The following PAX7 variants were observed in gnomAD, a reference collection of about 807,000 sequenced individuals.
The protein encoded by PAX7 is paired box 7, also known as paired box protein Pax-7.
A neutral mutation model predicts 50.7 loss-of-function variants in PAX7; 18 were observed. The observed-to-expected ratio is 0.36, with a 90% CI of 0.25 to 0.53. The LOEUF (loss-of-function observed/expected upper bound fraction) is 0.53, where lower values mean the gene tolerates loss of function less well. PAX7 is among the 20% of genes least tolerant of loss of function. The probability of loss-of-function intolerance (pLI) is 0.93; values close to 1 mark genes in which losing one functional copy is unlikely to be tolerated. For synonymous variants in PAX7, 310 were observed against 290.4 expected (o/e 1.07, Z -0.69); for missense variants, 644 against 702.9 (o/e 0.92, Z 0.95).
chr1:18,731,088 T>C (rs2089640596), intron 7 of PAX7, among the ~76,000 whole-genome samples: 1 of 152,172 alleles, frequency 6.6e-6, no homozygotes, highest in Non-Finnish European at 1.5e-5. Flanking sequence ...AATACATTAG[T>C]GAAAGCAAGG....
intron 4 of PAX7, among the ~76,000 whole-genome samples, chr1:18,673,626 A>T (rs576784567): frequency 1.3e-5 from 2 of 152,330 alleles, no homozygotes; most frequent in East Asian, 1.9e-4. Context: ...AAAAGTTTTT[A>T]TCTAAAACAC....
intron 4 of PAX7, among the ~76,000 whole-genome samples, chr1:18,682,972 A>G (rs556984265): frequency 2.8e-3 from 419 of 152,236 alleles, no homozygotes; most frequent in African/African-American, 9.6e-3. Context: ...GGGGCAGGGC[A>G]CCTGGCTGGG....
rs1460708790 is a variant in PAX7 at position 18,638,163 on chromosome 1, TTTAA to T, written c.586+1795_586+1798del. ...GAGGTTTGGTTTTCCTTGGAGAGAC[TTTAA>T]TTGTGTTTGCACGCAGGGAGTATAT... On this transcript the variant is annotated intron_variant, in intron 4 of 8. Transcript: ENST00000420770. 3.9e-5 allele frequency among the ~76,000 whole-genome samples: 6 copies of T among 152,320 alleles called. No individual in the cohort carries two copies. The East Asian group carries it at 9.6e-4, about 24-fold the overall frequency.
intron 4 of PAX7, among the ~76,000 whole-genome samples, chr1:18,643,347 G>A (rs966057110): frequency 6.6e-6 from 1 of 152,082 alleles, no homozygotes; most frequent in Non-Finnish European, 1.5e-5. Context: ...CCCGAGCTCC[G>A]GTGGAGACCA....
chr1:18,730,517 G>A (rs1393105342), intron 7 of PAX7, among the ~76,000 whole-genome samples: 9 of 151,452 alleles, frequency 5.9e-5, no homozygotes, highest in Admixed American at 5.9e-4. Context: ...CCCTGCTGCG[G>A]CCCCCACCCA....
intron 7 of PAX7, among the ~76,000 whole-genome samples, chr1:18,706,864 G>T (rs1198767413): frequency 2.0e-5 from 3 of 151,942 alleles, no homozygotes; most frequent in African/African-American, 7.3e-5. Flanking sequence ...GGACAGACCC[G>T]GGTTAAGCTA....
chr1:18,674,407 G>T (rs916502420), intron 4 of PAX7, among the ~76,000 whole-genome samples: 1 of 152,214 alleles, frequency 6.6e-6, no homozygotes, highest in Non-Finnish European at 1.5e-5. Flanking sequence ...GAACACAAAG[G>T]AAAAGATGGT....
intron 7 of PAX7, among the ~76,000 whole-genome samples, chr1:18,716,240 C>T (rs1666637987): frequency 6.6e-6 from 1 of 152,198 alleles, no homozygotes; most frequent in African/African-American, 2.4e-5. Flanking sequence ...TTGTTGGAGG[C>T]CTTTGGAAGG....
intron 4 of PAX7, among the ~76,000 whole-genome samples, chr1:18,682,746 G>C (rs564300945): frequency 6.6e-6 from 1 of 152,206 alleles, no homozygotes; most frequent in Non-Finnish European, 1.5e-5. Context: ...GTGGCCTTAA[G>C]ACATTCTCGG....
intron 4 of PAX7, among the ~76,000 whole-genome samples, chr1:18,643,607 G>A (rs1238823054): frequency 6.6e-6 from 1 of 152,208 alleles, no homozygotes; most frequent in Non-Finnish European, 1.5e-5. Context: ...GACAGCCCGC[G>A]GGAGAGCACG....
chr1:18,706,334 C>T (rs1048576970), intron 7 of PAX7, among the ~76,000 whole-genome samples: 11 of 152,288 alleles, frequency 7.2e-5, no homozygotes, highest in Admixed American at 2.6e-4. Flanking sequence ...TTAAGCTTCC[C>T]CGCTGGGCTG....
intron 7 of PAX7, among the ~76,000 whole-genome samples, chr1:18,734,699 A>G (rs147332789): frequency 6.6e-6 from 1 of 152,084 alleles, no homozygotes; most frequent in Non-Finnish European, 1.5e-5. Flanking sequence ...TGTCTCTATG[A>G]TCTTTGCTAG....
chr1:18,703,553 C>G (rs2089250050), intron 7 of PAX7, among the ~76,000 whole-genome samples: 1 of 152,248 alleles, frequency 6.6e-6, no homozygotes, highest in Non-Finnish European at 1.5e-5. Flanking sequence ...GCCGGTAACT[C>G]TACCCTGATT....
Position 18,676,983 on chromosome 1 carries a change from C to G in PAX7, c.587-14771C>G, listed in dbSNP as rs142406157. 4.2e-3 allele frequency among the ~76,000 whole-genome samples: 643 copies of G among 152,324 alleles called. 2 individuals carry two copies. Among genetic ancestry groups the G allele is most frequent in the South Asian group, 0.019 (92 of 4,824 alleles). On this transcript the variant is annotated intron_variant, in intron 4 of 8. Coordinates refer to ENST00000420770, the MANE Select transcript of PAX7 (RefSeq NM_001135254.2). ...AAGTCAGGGACAAACTTCAGGGTTT[C>G]AACCCCAAGCCCCCTCGTCTTTACA...
At chr1:18,648,340 CTTT>C (rs531869233) in intron 4 of PAX7, among the ~76,000 whole-genome samples, 12 of 119,692 alleles carry the variant, frequency 1.0e-4, no homozygotes, top group African/African-American at 1.6e-4. Context: ...TTATTTTTGT[CTTT>C]TTTTTTTTTT....
rs546775150 is a variant in PAX7, at chr1:18,733,824, G to A, written c.1156-1808G>A. Reference sequence around the variant, plus strand: ...GAGAGTTGAACTTGACATTTTGCAGGTGAGCCAGGGTCAGGCGAACTGAGC... The same window carrying A: ...GAGAGTTGAACTTGACATTTTGCAGATGAGCCAGGGTCAGGCGAACTGAGC... On this transcript the variant is annotated intron_variant, in intron 7 of 8. Transcript: ENST00000420770. Among the ~76,000 whole-genome samples the A allele has an allele frequency of 4.6e-5, 7 of 152,330 alleles. No individual in the cohort carries two copies. In the South Asian group the frequency reaches 1.2e-3, roughly 27 times the overall value.
At chr1:18,688,219 T>G (rs1001980099) in intron 4 of PAX7, among the ~76,000 whole-genome samples, 3 of 152,222 alleles carry the variant, frequency 2.0e-5, no homozygotes, top group African/African-American at 7.2e-5. Context: ...TATCATTTCC[T>G]GTAAATAGAT....
intron 4 of PAX7, among the ~76,000 whole-genome samples, chr1:18,649,269 A>C (rs1266432767): frequency 1.3e-5 from 2 of 152,124 alleles, no homozygotes; most frequent in African/African-American, 4.8e-5. Flanking sequence ...AAGGCATGGG[A>C]TAAGGACAGC....
chr1:18,649,070 C>A (rs778112522), intron 4 of PAX7, among the ~76,000 whole-genome samples: 12 of 152,114 alleles, frequency 7.9e-5, no homozygotes, highest in Admixed American at 3.3e-4. Flanking sequence ...GCTGAGATTA[C>A]AAAGGGTGGA....
Sources: gnomAD v4.1 joint callset for allele counts (sites outside exome capture counted in the v4.1 genomes callset) on GRCh38, gnomAD v4.1.1 for gene constraint, MANE v1.5 for transcripts, NCBI Gene and HGNC (gene_info 2026-07-23, HGNC 2026-07-21) for gene names.